The following MMP20 variants were observed in gnomAD, a reference collection of about 807,000 sequenced individuals.
MMP20 encodes matrix metallopeptidase 20, also known as matrix metalloproteinase-20.
A neutral mutation model predicts 51.8 loss-of-function variants in MMP20; 50 were observed. The ratio of observed to expected loss-of-function variants is 0.97; its 90% CI spans 0.77 to 1.22. The LOEUF (loss-of-function observed/expected upper bound fraction) is 1.22, where lower values mean the gene tolerates loss of function less well. Among genes scored for constraint, MMP20 ranks in the 50% most tolerant of loss-of-function variants. The pLI is 0.00. For synonymous variants in MMP20, 244 were observed against 216.2 expected (o/e 1.13, Z -1.13); for missense variants, 663 against 601.4 (o/e 1.10, Z -1.07).
chr11:102,607,704 T>C (rs1859537256), intron 5 of MMP20: 1 of 152,176 alleles, frequency 6.6e-6, no homozygotes, highest in Non-Finnish European at 1.5e-5. Context: ...ACCTGTGTCA[T>C]AATAGCTGTG....
chr11:102,613,267 G>A (rs1711412), intron 2 of MMP20, among the ~76,000 whole-genome samples: 62,930 of 151,976 alleles, frequency 0.41, 13,502 homozygotes, highest in South Asian at 0.59. Context: ...GAAAGGCAGG[G>A]AGGGCAACTT....
At position 102,593,547 on chromosome 11, in the gene MMP20, C is replaced by A. The variant is rs767478911; in HGVS notation, c.1139G>T (p.Arg380Leu). Residue 380 changes from arginine to leucine, a missense_variant, in exon 8 of 10, where the codon CGG becomes CTG. By Grantham distance (102) the Arg-to-Leu change is moderately radical. Coordinates refer to ENST00000260228, the MANE Select transcript of MMP20 (RefSeq NM_004771.4). ...TGGAAATCCAAAGTCATAAATAGTC[C>A]GAGGAGGACCTTGCATTTGGAATCC... Reference protein sequence around the residue: ...TRGFQMQGPPRTIYDFGFPRH... With the variant: ...TRGFQMQGPPLTIYDFGFPRH... The A allele has an allele frequency of 1.2e-6, 2 of 1,614,058 alleles. No individual in the cohort carries two copies. The highest frequency in any genetic ancestry group is 1.3e-5 in the African/African-American group (1 of 75,008).
intron 6 of MMP20, chr11:102,605,524 C>G (rs1859504094): frequency 6.6e-6 from 1 of 151,814 alleles, no homozygotes; most frequent in Admixed American, 6.6e-5. Flanking sequence ...AACGTCTGCT[C>G]CTCAGGGAAC....
At chr11:102,597,933 A>T (rs1859401685) in intron 6 of MMP20, among the ~76,000 whole-genome samples, 2 of 152,108 alleles carry the variant, frequency 1.3e-5, no homozygotes, top group South Asian at 2.1e-4. Context: ...ACTCCCGGCT[A>T]ATTTTGTATT....
chr11:102,601,721 C>T lies in MMP20; in HGVS notation c.953+4814G>A, dbSNP rs12274040. 4.7e-3 allele frequency among the ~76,000 whole-genome samples: 717 copies of T among 152,280 alleles called. 6 individuals carry two copies. Among genetic ancestry groups the T allele is most frequent in the African/African-American group, 0.017 (687 of 41,554 alleles). On this transcript the variant is annotated intron_variant, in intron 6 of 9. Transcript: ENST00000260228. ...TGATACATCTAACCCTGTTTTACAT[C>T]GTGTTCCCAACAAATCCTCTGAATT...
At chr11:102,577,490 T>C (rs1344096989) in intron 9 of MMP20, 64 bp from the exon 10 acceptor site, 2 of 1,119,114 alleles carry the variant, frequency 1.8e-6, no homozygotes, top group Non-Finnish European at 2.7e-6. Flanking sequence ...AATGGAAGAA[T>C]TTGTCACTGT....
chr11:102,609,202 C>T, intron 4 of MMP20, 104 bp from the exon 5 acceptor site: 1 of 1,011,428 alleles, frequency 9.9e-7, no homozygotes, highest in Non-Finnish European at 1.5e-6. Context: ...GTTAACCCAT[C>T]TCCTTCTCCT....
intron 8 of MMP20, among the ~76,000 whole-genome samples, chr11:102,587,770 T>C (rs1160595630): frequency 1.3e-5 from 2 of 152,178 alleles, no homozygotes; most frequent in Non-Finnish European, 2.9e-5. Flanking sequence ...ATTCAAGCTT[T>C]CTTATGGTTG....
At chr11:102,599,583 A>G (rs940378375) in intron 6 of MMP20, among the ~76,000 whole-genome samples, 1 of 152,234 alleles carries the variant, frequency 6.6e-6, no homozygotes, top group Admixed American at 6.5e-5. Flanking sequence ...ATTTGTAGAC[A>G]CTTTAAAAAG....
At chr11:102,597,929 G>T (rs533374633) in intron 6 of MMP20, among the ~76,000 whole-genome samples, 11 of 151,898 alleles carry the variant, frequency 7.2e-5, no homozygotes, top group Non-Finnish European at 1.3e-4. Flanking sequence ...CACCACTCCC[G>T]GCTAATTTTG....
At chr11:102,605,228 C>T (rs567267915) in intron 6 of MMP20, 1 of 152,094 alleles carries the variant, frequency 6.6e-6, no homozygotes, top group East Asian at 1.9e-4. Context: ...GGAAAAGAGG[C>T]CTTGGGGTGA....
chr11:102,595,461 C>T (rs1276901925), intron 6 of MMP20, among the ~76,000 whole-genome samples: 1 of 152,174 alleles, frequency 6.6e-6, no homozygotes, highest in Non-Finnish European at 1.5e-5. Context: ...CTTTTCTGAT[C>T]TTTTAAAAGT....
Position 102,589,164 on chromosome 11 carries a change from A to G in MMP20, c.1247+4275T>C, listed in dbSNP as rs373684058. ...TTAGTCTATATTCTAGTCATACTGA[A>G]CTGTTTGAGGTTTTCCCCATGCTCA... On this transcript the variant is annotated intron_variant, in intron 8 of 9. Transcript: ENST00000260228. 2.6e-5 allele frequency among the ~76,000 whole-genome samples: 4 copies of G among 152,204 alleles called. No homozygotes were observed. The East Asian group carries it at 7.7e-4, about 29-fold the overall frequency.
At chr11:102,620,142 C>G (rs1177864580) in intron 1 of MMP20, among the ~76,000 whole-genome samples, 3 of 152,178 alleles carry the variant, frequency 2.0e-5, no homozygotes. Context: ...TTTGCCTTCA[C>G]AGATGCAAAC....
At chr11:102,592,900 C>G (rs886260907) in intron 8 of MMP20, among the ~76,000 whole-genome samples, 2 of 152,216 alleles carry the variant, frequency 1.3e-5, no homozygotes, top group African/African-American at 4.8e-5. Context: ...TCATACGAAG[C>G]CCCTGAGGAC....
chr11:102,621,314 A>G (rs530516299), intron 1 of MMP20, among the ~76,000 whole-genome samples: 3 of 152,342 alleles, frequency 2.0e-5, no homozygotes, highest in East Asian at 3.9e-4. Context: ...ACCTTGGCCT[A>G]TGCCCGCTTG....
intron 1 of MMP20, among the ~76,000 whole-genome samples, chr11:102,623,919 A>G (rs1679538329): frequency 6.6e-6 from 1 of 152,236 alleles, no homozygotes; most frequent in Non-Finnish European, 1.5e-5. Flanking sequence ...TGGACAAAAT[A>G]CAATTGAATA....
chr11:102,582,723 T>C (rs1352289577), intron 8 of MMP20, among the ~76,000 whole-genome samples: 2 of 152,068 alleles, frequency 1.3e-5, no homozygotes, highest in African/African-American at 4.8e-5. Context: ...TCCTATAGTA[T>C]TAAGTAGAAG....
At chr11:102,584,362 C>T (rs1405013060) in intron 8 of MMP20, among the ~76,000 whole-genome samples, 10 of 152,154 alleles carry the variant, frequency 6.6e-5, no homozygotes, top group Non-Finnish European at 1.5e-4. Context: ...GTTTCATTTG[C>T]ATTTTCCTCA....
Sources: gnomAD v4.1 joint callset for allele counts (sites outside exome capture counted in the v4.1 genomes callset) on GRCh38, gnomAD v4.1.1 for gene constraint, MANE v1.5 for transcripts, NCBI Gene and HGNC (gene_info 2026-07-23, HGNC 2026-07-21) for gene names.